SV2C: variants seen among roughly 807,000 people sequenced by gnomAD.
The protein encoded by SV2C is synaptic vesicle glycoprotein 2C.
In SV2C, 49 loss-of-function variants were observed where a neutral mutation model predicts 79.7. The ratio of observed to expected loss-of-function variants is 0.61; its 90% CI spans 0.49 to 0.78. SV2C has a LOEUF of 0.78. Ranked by LOEUF, SV2C falls within the 30% of genes least tolerant of loss-of-function variation. The pLI is 0.00. For synonymous variants in SV2C, 334 were observed against 333.2 expected, an observed-to-expected ratio of 1.00 and a Z score of -0.03; for missense variants, 833 against 912.9, an observed-to-expected ratio of 0.91 and a Z score of 1.13.
intron 3 of SV2C, among the ~76,000 whole-genome samples, chr5:76,208,837 T>A (rs764535995): frequency 1.2e-4 from 19 of 152,210 alleles, no homozygotes; most frequent in Non-Finnish European, 2.6e-4. Flanking sequence ...ATAGTAATAT[T>A]TTTCTTTACT....
At chr5:76,256,405 G>A (rs1367368954) in intron 4 of SV2C, among the ~76,000 whole-genome samples, 1 of 152,188 alleles carries the variant, frequency 6.6e-6, no homozygotes, top group African/African-American at 2.4e-5. Flanking sequence ...AGTCATCAGG[G>A]AAGAGGCTTT....
At chr5:76,282,357 C>T (rs892390634) in intron 4 of SV2C, among the ~76,000 whole-genome samples, 1 of 152,252 alleles carries the variant, frequency 6.6e-6, no homozygotes, top group African/African-American at 2.4e-5. Context: ...ACAGCCTGGA[C>T]TCCAAAGTCA....
At chr5:75,899,583 C>T in the SV2C span, among the ~76,000 whole-genome samples, 2,531 of 151,962 alleles carry the variant, frequency 0.017, 36 homozygotes, top group African/African-American at 0.043. Flanking sequence ...CTATTAGGTC[C>T]GCTTGGTGCA....
At chr5:75,861,239 TC>T in the SV2C span, among the ~76,000 whole-genome samples, 1 of 152,014 alleles carries the variant, frequency 6.6e-6, no homozygotes, top group African/African-American at 2.4e-5. Context: ...ATGATCAACA[TC>T]ATCAGAGACA....
chr5:76,285,481 G>A (rs1747324930), intron 5 of SV2C, 186 bp downstream of exon 5: 1 of 781,138 alleles, frequency 1.3e-6, no homozygotes, highest in Non-Finnish European at 2.0e-6. Flanking sequence ...CTGCCTCATG[G>A]CTAGAAAGCA....
At chr5:76,186,905 A>G (rs189717814) in intron 2 of SV2C, among the ~76,000 whole-genome samples, 288 of 152,284 alleles carry the variant, frequency 1.9e-3, no homozygotes, top group South Asian at 4.8e-3. Context: ...CTATGATTCA[A>G]TTATTTCCAC....
the SV2C span, among the ~76,000 whole-genome samples, chr5:76,049,026 A>AG: frequency 2.0e-3 from 275 of 137,276 alleles, 5 homozygotes; most frequent in African/African-American, 5.6e-3. Flanking sequence ...AAAGAAAGAA[A>AG]AAGAAAAGAG....
the SV2C span, among the ~76,000 whole-genome samples, chr5:75,922,468 A>G: frequency 2.6e-5 from 4 of 152,358 alleles, no homozygotes; most frequent in South Asian, 8.3e-4. Context: ...AGCAACTGCT[A>G]TAGGCAATAG....
the SV2C span, among the ~76,000 whole-genome samples, chr5:75,866,694 CTT>C: frequency 5.3e-5 from 8 of 152,262 alleles, no homozygotes; most frequent in South Asian, 2.1e-4. Context: ...AGGTGAATAA[CTT>C]TGAGAGAGAA....
the SV2C span, among the ~76,000 whole-genome samples, chr5:75,917,018 T>A: frequency 3.4e-4 from 52 of 152,228 alleles, no homozygotes; most frequent in Non-Finnish European, 5.6e-4. Context: ...CCCAGAGAAC[T>A]GAACCCTAGT....
intron 12 of SV2C, among the ~76,000 whole-genome samples, chr5:76,309,783 G>A (rs538575195): frequency 1.3e-4 from 20 of 152,198 alleles, no homozygotes; most frequent in Admixed American, 1.0e-3. Context: ...CAGTTTCTGC[G>A]TGTACAGTTG....
At chr5:76,133,059 T>C (rs1748954324) in intron 2 of SV2C, among the ~76,000 whole-genome samples, 1 of 152,144 alleles carries the variant, frequency 6.6e-6, no homozygotes, top group Admixed American at 6.5e-5. Flanking sequence ...GAAGTTACCA[T>C]GGACTCAGGT....
the SV2C span, among the ~76,000 whole-genome samples, chr5:76,001,293 C>A: frequency 3.9e-5 from 6 of 152,138 alleles, no homozygotes; most frequent in Admixed American, 2.6e-4. Flanking sequence ...AGAATTTTGA[C>A]AAGGAATTTT....
At chr5:76,314,980 C>G (rs1021965163) in intron 12 of SV2C, among the ~76,000 whole-genome samples, 1 of 152,144 alleles carries the variant, frequency 6.6e-6, no homozygotes, top group African/African-American at 2.4e-5. Context: ...TTATTACCTT[C>G]CCAGAATATT....
chr5:76,067,648 G>T, the SV2C span, among the ~76,000 whole-genome samples: 3 of 151,772 alleles, frequency 2.0e-5, no homozygotes, highest in East Asian at 5.8e-4. Flanking sequence ...TTAAGATGTT[G>T]TATGTTGTTA....
intron 4 of SV2C, among the ~76,000 whole-genome samples, chr5:76,247,794 C>G (rs1277265818): frequency 6.6e-6 from 1 of 152,180 alleles, no homozygotes; most frequent in African/African-American, 2.4e-5. Flanking sequence ...TTGCCCCAAC[C>G]AAAGCCTCTA....
At chr5:75,959,860 G>A in the SV2C span, among the ~76,000 whole-genome samples, 1 of 151,994 alleles carries the variant, frequency 6.6e-6, no homozygotes, top group Non-Finnish European at 1.5e-5. Flanking sequence ...ACAAAGAAAT[G>A]AGAAAGTATA....
At chr5:76,054,533 A>T in the SV2C span, among the ~76,000 whole-genome samples, 1 of 152,132 alleles carries the variant, frequency 6.6e-6, no homozygotes, top group Non-Finnish European at 1.5e-5. Context: ...TGAGTCAAAC[A>T]GTATTTCTGG....
intron 2 of SV2C, among the ~76,000 whole-genome samples, chr5:76,178,580 C>G (rs923749297): frequency 2.6e-5 from 4 of 152,210 alleles, no homozygotes; most frequent in Non-Finnish European, 5.9e-5. Flanking sequence ...GCACACTACT[C>G]TTTATACTCA....
Sources: gnomAD v4.1 joint callset for allele counts (sites outside exome capture counted in the v4.1 genomes callset) on GRCh38, gnomAD v4.1.1 for gene constraint, MANE v1.5 for transcripts, NCBI Gene and HGNC (gene_info 2026-07-23, HGNC 2026-07-21) for gene names.